Variants in TTC39A observed in about 807,000 individuals in gnomAD.
TTC39A encodes the protein tetratricopeptide repeat protein 39A.
TTC39A carries 46 observed loss-of-function variants against 82.3 expected under a neutral mutation model. The observed-to-expected ratio is 0.56, with a 90% CI of 0.44 to 0.71. The LOEUF is 0.71. Among genes scored for constraint, TTC39A ranks in the 30% least tolerant of loss-of-function variants. The pLI, the probability that TTC39A is intolerant of heterozygous loss-of-function variation, is 0.00. For synonymous variants in TTC39A, 254 were observed against 275.2 expected (o/e 0.92, Z 0.76); for missense variants, 543 against 712.9 (o/e 0.76, Z 2.71).
rs568123747 is a variant in TTC39A, at chr1:51,294,496, C to T, written c.1161G>A (p.Leu387=). ...GAGATTTCCCAGCAATCTTGAGCTT[C>T]AGGCCTGGCACAGCTCTGCGAAAGA... The part of the protein sequence containing the change: ...EVELFRAVPG[L]KLKIAGKSLP... The change falls in exon 14 of 18, where the codon CTG becomes CTA. Residue 387 remains leucine (L), a synonymous_variant. Transcript: ENST00000680483. This position sits in a 1 kb window ranked among gnomAD's most constrained non-coding sequence, Gnocchi z 4.3. 9.9e-6 allele frequency: 16 copies of T among 1,613,946 alleles called. No individual in the cohort carries two copies. The African/African-American group carries it at 2.0e-4, about 20-fold the overall frequency.
chr1:51,303,104 G>T lies in TTC39A; in HGVS notation c.743C>A (p.Thr248Asn), dbSNP rs1014203096. 2.5e-6 allele frequency: 4 copies of T among 1,594,724 alleles called. No individual in the cohort carries two copies. The highest frequency in any genetic ancestry group is 3.4e-6 in the Non-Finnish European group (4 of 1,171,106). ...LCVMLLLCYH[T>N]FLTFVLGTGN... is the part of the protein sequence containing the mutation. The stretch of plus-strand genomic sequence containing the variant: ...CCTACCGAGCACGAAGGTGAGGAAG[G>T]TGTGGTAGCACAGCAGGAGCATGAC... The change falls in exon 9 of 18, where the codon ACC becomes AAC. Residue 248 changes from threonine to asparagine, a missense_variant. Thr to Asn is a moderately conservative substitution (Grantham distance 65). Coordinates refer to ENST00000680483, the MANE Select transcript of TTC39A (RefSeq NM_001297663.2).
intron 7 of TTC39A, 49 bp downstream of exon 7, chr1:51,305,928 G>C: frequency 6.4e-7 from 1 of 1,570,014 alleles, no homozygotes; most frequent in Non-Finnish European, 8.8e-7. Flanking sequence ...GACAGAAGGG[G>C]AGACTGAGCT....
intron 2 of TTC39A, among the ~76,000 whole-genome samples, chr1:51,313,512 G>A (rs768331561): frequency 6.6e-6 from 1 of 152,140 alleles, no homozygotes; most frequent in Non-Finnish European, 1.5e-5. Context: ...AGATCCTGCC[G>A]GGGCTAAAGC....
intron 13 of TTC39A, chr1:51,295,856 A>AGCCTCTGAAGAAAGTCAAAGG (rs1553173176): frequency 1.7e-6 from 1 of 595,088 alleles, no homozygotes; most frequent in Non-Finnish European, 3.0e-6. Context: ...TGTGAAAGAA[A>AGCCTCTGAAGAAAGTCAAAGG]GCCTCTGAAG....
chr1:51,345,105 G>T, exon 1 of TTC39A: 2 of 1,233,098 alleles, frequency 1.6e-6, no homozygotes, highest in Non-Finnish European at 1.0e-6. Context: ...CGGCGGCCGT[G>T]GAGGCTACAG....
chr1:51,309,365 G>A, intron 5 of TTC39A, 40 bp from the exon 6 acceptor site: 1 of 1,612,332 alleles, frequency 6.2e-7, no homozygotes, highest in East Asian at 2.2e-5. Flanking sequence ...GCCCAGGTGG[G>A]CAGCTGCAGG....
At chr1:51,312,647 T>C (rs1645128103) in intron 3 of TTC39A, among the ~76,000 whole-genome samples, 165 bp downstream of exon 3, 1 of 152,166 alleles carries the variant, frequency 6.6e-6, no homozygotes, top group Non-Finnish European at 1.5e-5. Flanking sequence ...TCAGACAACA[T>C]AGCTCCTGAG....
At chr1:51,343,388 T>C (rs1226952683) in intron 1 of TTC39A, among the ~76,000 whole-genome samples, 1 of 152,186 alleles carries the variant, frequency 6.6e-6, no homozygotes, top group Non-Finnish European at 1.5e-5. Context: ...GAAACCTAAA[T>C]TCCTGGTCCT....
chr1:51,312,087 G>T (rs1364179691), intron 4 of TTC39A, 32 bp downstream of exon 4: 1 of 1,600,030 alleles, frequency 6.2e-7, no homozygotes, highest in Non-Finnish European at 8.5e-7. Context: ...CCTGGGCTTA[G>T]CATGGTTGAA....
At chr1:51,308,770 C>T (rs531421444) in intron 6 of TTC39A, among the ~76,000 whole-genome samples, 1 of 152,100 alleles carries the variant, frequency 6.6e-6, no homozygotes, top group Non-Finnish European at 1.5e-5. Context: ...GCAGAGAGCA[C>T]GTGCATGCAC....
At chr1:51,338,118 G>T (rs1645996578) in intron 1 of TTC39A, among the ~76,000 whole-genome samples, 1 of 152,160 alleles carries the variant, frequency 6.6e-6, no homozygotes, top group Non-Finnish European at 1.5e-5. Flanking sequence ...GAAAAAAGCA[G>T]AACACAAAAT....
At position 51,302,924 on chromosome 1, in the gene TTC39A, G is replaced by A. The variant is rs117188633; in HGVS notation, c.763+160C>T. On this transcript the variant is annotated intron_variant, in intron 9 of 17. Transcript: ENST00000680483. ...CCAGTCACACTGTGAGGCAGTGGGC[G>A]TCAGCAGGCCAGTCCCCAGGACAGT... Among the ~76,000 whole-genome samples, 155 of 152,322 alleles carry A rather than the reference G, an allele frequency of 1.0e-3. 7 individuals are homozygous for A. The East Asian group carries it at 0.028, about 28-fold the overall frequency.
chr1:51,290,495 A>G lies in TTC39A; in HGVS notation c.1378+19T>C, dbSNP rs373393772. On this transcript the variant is annotated intron_variant, in intron 15 of 17. Transcript: ENST00000680483. Reference sequence around the variant, plus strand: ...GACCTGACCTAGCATGGCAGGCCCAAGGGCCTGAGGGAAGTCACCTGGGCC... The same window carrying G: ...GACCTGACCTAGCATGGCAGGCCCAGGGGCCTGAGGGAAGTCACCTGGGCC... 22 of 1,600,888 alleles carry G rather than the reference A, an allele frequency of 1.4e-5. No individual in the cohort carries two copies. In the South Asian group the frequency reaches 2.3e-4, roughly 17 times the overall value.
At position 51,312,075 on chromosome 1, in the gene TTC39A, C is replaced by T. The variant is rs1258970423; in HGVS notation, c.355+44G>A. The T allele has an allele frequency of 3.2e-6, 5 of 1,583,306 alleles. 1 individual carries two copies. The South Asian group carries it at 3.5e-5, about 11-fold the overall frequency. ...GCCCCTTCCTGGGCCTGGAGCTGGC[C>T]ACCTGGGCTTAGCATGGTTGAAAGG... On this transcript the variant is annotated intron_variant, in intron 4 of 17. Transcript: ENST00000680483.
chr1:51,319,041 A>G (rs1488481965), intron 2 of TTC39A, among the ~76,000 whole-genome samples: 2 of 152,208 alleles, frequency 1.3e-5, no homozygotes, highest in African/African-American at 4.8e-5. Context: ...GAAACATTTT[A>G]AAGAGAAATA....
chr1:51,294,634 C>T lies in TTC39A; in HGVS notation c.1146-123G>A. The stretch of plus-strand genomic sequence containing the variant: ...CTCAGTTTCCCCATCTGCACAATGA[C>T]AGTGTTAGACTCTAAAGAGCCTTCT... On this transcript the variant is annotated intron_variant, in intron 13 of 17. Coordinates refer to ENST00000680483, the MANE Select transcript of TTC39A (RefSeq NM_001297663.2). This position sits in a 1 kb window ranked among gnomAD's most constrained non-coding sequence, Gnocchi z 4.3. The T allele has an allele frequency of 7.1e-7, 1 of 1,406,106 alleles. No homozygotes were observed. Among genetic ancestry groups the T allele is most frequent in the Admixed American group, 2.1e-5 (1 of 47,060 alleles). The allele number at this position is 1,406,106 out of a possible 1,614,324, so 87.1% of individuals were successfully genotyped here.
At chr1:51,302,632 T>C in intron 9 of TTC39A, 59 bp from the exon 10 acceptor site, 1 of 1,549,292 alleles carries the variant, frequency 6.5e-7, no homozygotes, top group Non-Finnish European at 8.7e-7. Context: ...CCTGTGATCC[T>C]GCCAGCAACC....
intron 5 of TTC39A, among the ~76,000 whole-genome samples, chr1:51,310,915 C>T (rs1371372096): frequency 6.6e-6 from 1 of 152,238 alleles, no homozygotes; most frequent in Non-Finnish European, 1.5e-5. Flanking sequence ...ATAGGTGCTA[C>T]AATGCTTGTT....
intron 15 of TTC39A, 42 bp from the exon 16 acceptor site, chr1:51,290,161 T>C: frequency 6.3e-7 from 1 of 1,582,228 alleles, no homozygotes; most frequent in East Asian, 2.2e-5. Context: ...ACTTGTTCAT[T>C]TCTGCAGCAG....
Sources: allele counts gnomAD v4.1 joint callset (sites outside exome capture counted in the v4.1 genomes callset), GRCh38; gene constraint gnomAD v4.1.1; non-coding constraint Gnocchi (gnomAD v3.1); transcripts MANE v1.5; gene names NCBI Gene and HGNC (gene_info 2026-07-23, HGNC 2026-07-21).